Variants in DDAH1 observed in about 807,000 individuals in gnomAD.
DDAH1 encodes N(G),N(G)-dimethylarginine dimethylaminohydrolase 1.
A neutral mutation model predicts 28.8 loss-of-function variants in DDAH1; 19 were observed. That is an observed-to-expected ratio of 0.66 (90% CI 0.46 to 0.97). DDAH1 has a LOEUF of 0.97. Ranked by LOEUF, DDAH1 falls within the 50% of genes least tolerant of loss-of-function variation. DDAH1 has a pLI of 0.00. For synonymous variants in DDAH1, 153 were observed against 154.4 expected, an observed-to-expected ratio of 0.99 and a Z score of 0.07; for missense variants, 326 against 375.9, an observed-to-expected ratio of 0.87 and a Z score of 1.10.
intron 1 of DDAH1, among the ~76,000 whole-genome samples, chr1:85,542,579 T>C (rs115623633): frequency 0.021 from 3,273 of 152,256 alleles, 110 homozygotes; most frequent in African/African-American, 0.075. Flanking sequence ...CTTGGAAGGT[T>C]TTCCAGTCTT....
At chr1:85,400,009 C>T (rs1350535028) in intron 1 of DDAH1, 4 of 151,926 alleles carry the variant, frequency 2.6e-5, no homozygotes, top group Non-Finnish European at 5.9e-5. Flanking sequence ...CCCAAGTGGA[C>T]TCAAATATTT....
intron 1 of DDAH1, among the ~76,000 whole-genome samples, chr1:85,564,091 G>C (rs1386524927): frequency 6.6e-6 from 1 of 152,170 alleles, no homozygotes; most frequent in Non-Finnish European, 1.5e-5. Context: ...GGAACCGCTT[G>C]AACCCTGGAG....
At chr1:85,365,172 G>A (rs947387335) in intron 1 of DDAH1, among the ~76,000 whole-genome samples, 3 of 152,168 alleles carry the variant, frequency 2.0e-5, no homozygotes, top group Non-Finnish European at 2.9e-5. Flanking sequence ...TTTGATCAAA[G>A]TCTCATAGCA....
chr1:85,335,716 C>T (rs1159470645), intron 4 of DDAH1, among the ~76,000 whole-genome samples: 1 of 151,840 alleles, frequency 6.6e-6, no homozygotes, highest in African/African-American at 2.4e-5. Context: ...CCAGCCAGCA[C>T]TTTGGGAGGT....
At chr1:85,577,463 C>T (rs539479534) in intron 1 of DDAH1, among the ~76,000 whole-genome samples, 4 of 152,042 alleles carry the variant, frequency 2.6e-5, no homozygotes, top group Non-Finnish European at 5.9e-5. Context: ...GGTGTGCAGC[C>T]GAGGATCTAT....
intron 1 of DDAH1, among the ~76,000 whole-genome samples, chr1:85,388,247 GATTAA>G (rs1242936374): frequency 1.3e-5 from 2 of 152,188 alleles, no homozygotes; most frequent in African/African-American, 4.8e-5. Flanking sequence ...TTGATATGAT[GATTAA>G]ATGAAATAAT....
chr1:85,418,069 T>C (rs1485923831), intron 1 of DDAH1, among the ~76,000 whole-genome samples: 3 of 152,210 alleles, frequency 2.0e-5, no homozygotes, highest in Admixed American at 6.5e-5. Context: ...ACAGAGCTCT[T>C]TGAAAACATT....
chr1:85,498,309 A>G (rs146118102), intron 1 of DDAH1, among the ~76,000 whole-genome samples: 1 of 152,290 alleles, frequency 6.6e-6, no homozygotes, highest in East Asian at 1.9e-4. Flanking sequence ...AATCAGAGTA[A>G]ACCTAGGAAG....
chr1:85,321,578 G>A lies in DDAH1; in HGVS notation c.742-10C>T. 1 of 1,581,552 alleles carries A rather than the reference G, an allele frequency of 6.3e-7. No homozygotes were observed. Among genetic ancestry groups the A allele is most frequent in the Non-Finnish European group, 8.7e-7 (1 of 1,150,844 alleles). Reference sequence around the variant, plus strand: ...TCAGTTTCTCATAAACCTACAGTGGGAATCAAGGAAAAGGAAGAAAAGAAG... The same window carrying A: ...TCAGTTTCTCATAAACCTACAGTGGAAATCAAGGAAAAGGAAGAAAAGAAG... On this transcript the variant is annotated splice_polypyrimidine_tract_variant and intron_variant, in intron 5 of 5. Coordinates refer to ENST00000284031, the MANE Select transcript of DDAH1 (RefSeq NM_012137.4).
At chr1:85,463,752 T>C (rs1655227277) in intron 1 of DDAH1, among the ~76,000 whole-genome samples, 1 of 152,088 alleles carries the variant, frequency 6.6e-6, no homozygotes, top group Admixed American at 6.6e-5. Flanking sequence ...AATTCTTAAA[T>C]CTCCAGAAAT....
chr1:85,394,783 A>G (rs570237213), intron 1 of DDAH1, among the ~76,000 whole-genome samples: 1 of 151,912 alleles, frequency 6.6e-6, no homozygotes, highest in South Asian at 2.1e-4. Context: ...TAAACTCTTC[A>G]TAGTTTCAAA....
At chr1:85,469,313 A>G (rs1243101844), upstream of DDAH1, among the ~76,000 whole-genome samples, 1 of 152,244 alleles carries the variant, frequency 6.6e-6, no homozygotes, top group Admixed American at 6.5e-5. Flanking sequence ...GGGGAGGCAT[A>G]TGGTGTGGAA....
At chr1:85,358,998 G>A (rs1225392076) in intron 1 of DDAH1, 151 bp from the exon 2 acceptor site, 1 of 544,588 alleles carries the variant, frequency 1.8e-6, no homozygotes, top group Non-Finnish European at 3.3e-6. Flanking sequence ...AATATATAAT[G>A]TATGACCAGT....
chr1:85,521,129 A>G (rs1411335552), intron 1 of DDAH1, among the ~76,000 whole-genome samples: 1 of 152,142 alleles, frequency 6.6e-6, no homozygotes, highest in African/African-American at 2.4e-5. Context: ...ACTTCATGTC[A>G]TCACAGTACT....
chr1:85,536,610 G>C (rs1335583207), intron 1 of DDAH1, among the ~76,000 whole-genome samples: 1 of 151,988 alleles, frequency 6.6e-6, no homozygotes, highest in Non-Finnish European at 1.5e-5. Context: ...CACACACAAT[G>C]AGATACTACT....
intron 4 of DDAH1, among the ~76,000 whole-genome samples, chr1:85,348,431 T>G (rs1342071003): frequency 6.6e-6 from 1 of 152,176 alleles, no homozygotes; most frequent in Non-Finnish European, 1.5e-5. Context: ...GATAATCTTG[T>G]CTTCCTCACT....
chr1:85,400,644 C>G (rs1048285343), intron 1 of DDAH1, among the ~76,000 whole-genome samples: 3 of 152,116 alleles, frequency 2.0e-5, no homozygotes, highest in African/African-American at 7.2e-5. Context: ...ATGGGATCCC[C>G]AGGAAGAAAT....
chr1:85,536,669 T>C (rs1417852293), intron 1 of DDAH1, among the ~76,000 whole-genome samples: 2 of 152,058 alleles, frequency 1.3e-5, no homozygotes, highest in East Asian at 3.9e-4. Context: ...AAAACAGTGT[T>C]GGTAAGGATG....
intron 1 of DDAH1, among the ~76,000 whole-genome samples, chr1:85,515,860 C>T (rs1175054833): frequency 6.6e-6 from 1 of 152,088 alleles, no homozygotes. Flanking sequence ...CAAAATACCA[C>T]AGGCTGGGTA....
Sources: allele counts gnomAD v4.1 joint callset (sites outside exome capture counted in the v4.1 genomes callset), GRCh38; gene constraint gnomAD v4.1.1; transcripts MANE v1.5; gene names NCBI Gene and HGNC (gene_info 2026-07-23, HGNC 2026-07-21).